MGAT5B: variants seen among roughly 807,000 people sequenced by gnomAD.
The protein encoded by MGAT5B is N-acetylglucosaminyl-transferase Vb.
In MGAT5B, 54 loss-of-function variants were observed where a neutral mutation model predicts 95.1. That is an observed-to-expected ratio of 0.57 (90% CI 0.46 to 0.71). The LOEUF is 0.71. Among genes scored for constraint, MGAT5B ranks in the 30% least tolerant of loss-of-function variants. The pLI, the probability that MGAT5B is intolerant of heterozygous loss-of-function variation, is 0.00. For synonymous variants in MGAT5B, 464 were observed against 451.0 expected (o/e 1.03, Z -0.36); for missense variants, 935 against 1,088.6 (o/e 0.86, Z 1.99).
intron 13 of MGAT5B, among the ~76,000 whole-genome samples, chr17:76,939,371 G>T (rs969333148): frequency 1.3e-5 from 2 of 151,820 alleles, no homozygotes; most frequent in Non-Finnish European, 2.9e-5. Context: ...AAAATCAGCT[G>T]GGTGTGGTGG....
At chr17:76,883,881 T>C (rs613075) in intron 3 of MGAT5B, among the ~76,000 whole-genome samples, 55,519 of 152,100 alleles carry the variant, frequency 0.37, 12,623 homozygotes, top group African/African-American at 0.61. Context: ...GTTGGAGGGA[T>C]GCCTGCCTGA....
intron 3 of MGAT5B, among the ~76,000 whole-genome samples, chr17:76,882,818 G>A (rs1481193950): frequency 2.0e-5 from 3 of 147,824 alleles, no homozygotes; most frequent in Non-Finnish European, 4.4e-5. Flanking sequence ...GGGTTCAAGC[G>A]ATCCTCCCAC....
chr17:76,940,338 CCTGGTGCTTA>C lies in MGAT5B; in HGVS notation c.1585-59_1585-50del. On this transcript the variant is annotated intron_variant, in intron 13 of 17. Coordinates refer to ENST00000569840, the MANE Select transcript of MGAT5B (RefSeq NM_001199172.2). This position sits in a 1 kb window ranked among gnomAD's most constrained non-coding sequence, Gnocchi z 4.3. ...CGAAGCCTCACCTTGTCCCCGGCAT[CCTGGTGCTTA>C]CTGGGCTGTGGCGGCCCAGCCCTCC... The C allele has an allele frequency of 6.7e-7, 1 of 1,497,614 alleles. No homozygotes were observed. Among genetic ancestry groups the C allele is most frequent in the Non-Finnish European group, 8.9e-7 (1 of 1,122,920 alleles). 92.8% of individuals were successfully genotyped at this position (1,497,614 alleles called of 1,614,324 possible). A position where few individuals can be genotyped will look rare whatever the true frequency, so the allele number is the denominator to read the frequency against.
Position 76,949,831 on chromosome 17 carries a change from C to T in MGAT5B, c.*993C>T, listed in dbSNP as rs544417628. 3.3e-5 allele frequency: 5 copies of T among 152,402 alleles called. No individual in the cohort carries two copies. Among genetic ancestry groups the T allele is most frequent in the Admixed American group, 2.6e-4 (4 of 15,292 alleles). The allele number at this position is 152,402 out of a possible 1,614,324, so 9.4% of individuals were successfully genotyped here. A position where few individuals can be genotyped will look rare whatever the true frequency, so the allele number is the denominator to read the frequency against. The stretch of plus-strand genomic sequence containing the variant: ...TGCAGACAAGGGCTTGGGATGGACC[C>T]TCAGCCCCATGGTACGCCCTGCCCA... On this transcript the variant is annotated 3_prime_UTR_variant, in exon 18 of 18. Coordinates refer to ENST00000569840, the MANE Select transcript of MGAT5B (RefSeq NM_001199172.2).
intron 8 of MGAT5B, among the ~76,000 whole-genome samples, chr17:76,910,425 C>T (rs150684223): frequency 9.2e-4 from 140 of 152,354 alleles, no homozygotes; most frequent in African/African-American, 3.2e-3. Flanking sequence ...CCCATGCATA[C>T]ACGTGCATAT....
At chr17:76,873,074 G>A in intron 2 of MGAT5B, 111 bp downstream of exon 2, 3 of 1,173,648 alleles carry the variant, frequency 2.6e-6, no homozygotes, top group Non-Finnish European at 3.6e-6. Context: ...CCCTGTAGGT[G>A]GATGTGAGTG....
chr17:76,877,115 C>A (rs1368166330), intron 2 of MGAT5B, among the ~76,000 whole-genome samples: 2 of 152,040 alleles, frequency 1.3e-5, no homozygotes, highest in African/African-American at 2.4e-5. Context: ...CACCTGAGGT[C>A]AGGAGTTCGA....
At chr17:76,900,682 A>AGAGCT (rs1968272865) in intron 3 of MGAT5B, among the ~76,000 whole-genome samples, 1 of 152,256 alleles carries the variant, frequency 6.6e-6, no homozygotes, top group Non-Finnish European at 1.5e-5. Flanking sequence ...TCCAGCCTCC[A>AGAGCT]GAGCTGCCAG....
At chr17:76,896,646 G>T (rs1200043780) in intron 3 of MGAT5B, among the ~76,000 whole-genome samples, 1 of 152,172 alleles carries the variant, frequency 6.6e-6, no homozygotes, top group African/African-American at 2.4e-5. Context: ...TGTTCAGAGA[G>T]GTTAGGTAAC....
chr17:76,941,189 T>C (rs1015007087), intron 15 of MGAT5B, among the ~76,000 whole-genome samples: 15 of 152,226 alleles, frequency 9.9e-5, no homozygotes, highest in African/African-American at 3.4e-4. Flanking sequence ...GATGGATGTG[T>C]GGAGGTTCTT....
At chr17:76,936,233 C>A (rs1346153648) in intron 12 of MGAT5B, among the ~76,000 whole-genome samples, 1 of 152,016 alleles carries the variant, frequency 6.6e-6, no homozygotes, top group Non-Finnish European at 1.5e-5. Flanking sequence ...AAGGTGAAAT[C>A]CCATCTCTAC....
chr17:76,890,457 G>A (rs1474254323), intron 3 of MGAT5B, among the ~76,000 whole-genome samples: 12 of 152,212 alleles, frequency 7.9e-5, no homozygotes, highest in Non-Finnish European at 5.9e-5. Context: ...AGTTCAGGCT[G>A]CAATAGCAAA....
intron 12 of MGAT5B, among the ~76,000 whole-genome samples, chr17:76,936,768 T>G (rs891686870): frequency 2.6e-5 from 4 of 152,232 alleles, no homozygotes; most frequent in African/African-American, 4.8e-5. Context: ...TGGGTCTATT[T>G]CTGGAGTCTG....
intron 8 of MGAT5B, among the ~76,000 whole-genome samples, chr17:76,907,413 TG>T (rs1968572174): frequency 6.6e-6 from 1 of 152,232 alleles, no homozygotes; most frequent in African/African-American, 2.4e-5. Context: ...GTTTATGGTT[TG>T]CTTTTGTTTT....
intron 2 of MGAT5B, 35 bp from the exon 3 acceptor site, chr17:76,882,116 G>T: frequency 6.4e-7 from 1 of 1,568,646 alleles, no homozygotes; most frequent in Non-Finnish European, 8.7e-7. Flanking sequence ...AGGCTGCTCG[G>T]GCCTCCCCTA....
chr17:76,890,872 G>T (rs947289489), intron 3 of MGAT5B, among the ~76,000 whole-genome samples: 3 of 151,834 alleles, frequency 2.0e-5, no homozygotes, highest in Non-Finnish European at 4.4e-5. Flanking sequence ...GGTCAGCTTT[G>T]GGGGAGGATC....
intron 12 of MGAT5B, among the ~76,000 whole-genome samples, chr17:76,934,155 G>A (rs1969583796): frequency 6.6e-6 from 1 of 152,182 alleles, no homozygotes; most frequent in Admixed American, 6.6e-5. Context: ...TCTGGGTTGT[G>A]TCCACCCAAG....
In MGAT5B at chr17:76,872,838, T is replaced by G; in HGVS notation, c.69-13T>G. On this transcript the variant is annotated splice_polypyrimidine_tract_variant and intron_variant, in intron 1 of 17. Transcript: ENST00000569840. ...CTTCCTGCCCTCCTGACCCGCCTCC[T>G]TCCTCTCCGCAGGCTTTTTGTCCTG... 6.2e-7 allele frequency: 1 copy of G among 1,614,222 alleles called. No homozygotes were observed. The highest frequency in any genetic ancestry group is 8.5e-7 in the Non-Finnish European group (1 of 1,180,036).
intron 12 of MGAT5B, among the ~76,000 whole-genome samples, chr17:76,937,007 T>TG (rs961979770): frequency 1.2e-4 from 16 of 137,374 alleles, no homozygotes; most frequent in Non-Finnish European, 6.1e-5. Flanking sequence ...TTTCAATGTT[T>TG]TTTTTTTTTT....
Sources: gnomAD v4.1 joint callset for allele counts (sites outside exome capture counted in the v4.1 genomes callset) on GRCh38, gnomAD v4.1.1 for gene constraint, Gnocchi (gnomAD v3.1) non-coding constraint, MANE v1.5 for transcripts, NCBI Gene and HGNC (gene_info 2026-07-23, HGNC 2026-07-21) for gene names.